Variants in ARPC1A observed in about 807,000 individuals in gnomAD.
ARPC1A encodes actin-related protein 2/3 complex subunit 1A.
ARPC1A carries 8 observed loss-of-function variants against 46.9 expected under a neutral mutation model. The observed-to-expected ratio is 0.17, with a 90% CI of 0.10 to 0.31. The LOEUF (loss-of-function observed/expected upper bound fraction) is 0.31, where lower values mean the gene tolerates loss of function less well. Ranked by LOEUF, ARPC1A falls within the 10% of genes least tolerant of loss-of-function variation. The pLI is 1.00. For missense variants in ARPC1A, 286 were observed against 483.6 expected (o/e 0.59, Z 3.83); for synonymous variants, 152 against 169.0 (o/e 0.90, Z 0.78).
intron 4 of ARPC1A, among the ~76,000 whole-genome samples, chr7:99,347,829 CAAAAAA>C (rs755158875): frequency 1.1e-5 from 1 of 90,592 alleles, no homozygotes; most frequent in Non-Finnish European, 2.4e-5. Flanking sequence ...AACTCCATCT[CAAAAAA>C]AAAAAAAAAA....
intron 9 of ARPC1A, among the ~76,000 whole-genome samples, chr7:99,364,473 C>T (rs1488225742): frequency 2.0e-5 from 3 of 150,860 alleles, no homozygotes; most frequent in Non-Finnish European, 1.5e-5. Flanking sequence ...GGTTTCTCCA[C>T]GTTGGACATG....
At chr7:99,365,418 C>T (rs1398826459) in intron 9 of ARPC1A, among the ~76,000 whole-genome samples, 7 of 151,958 alleles carry the variant, frequency 4.6e-5, no homozygotes, top group Admixed American at 4.6e-4. Flanking sequence ...CTGGGCAACA[C>T]AGTGAGATCC....
intron 1 of ARPC1A, among the ~76,000 whole-genome samples, chr7:99,332,327 T>C (rs1584374133): frequency 1.3e-5 from 2 of 152,330 alleles, no homozygotes; most frequent in Admixed American, 1.3e-4. Flanking sequence ...AGTGACGATG[T>C]GTACTTCATG....
intron 5 of ARPC1A, among the ~76,000 whole-genome samples, chr7:99,350,099 A>G (rs762345273): frequency 6.6e-6 from 1 of 152,226 alleles, no homozygotes; most frequent in Non-Finnish European, 1.5e-5. Flanking sequence ...GAACAAGTTC[A>G]TAAGTCACTG....
At position 99,338,258 on chromosome 7, in the gene ARPC1A, C is replaced by T; in HGVS notation, c.142C>T (p.Leu48Phe). The change falls in exon 3 of 10, where the codon CTC (leucine) becomes TTC (phenylalanine). Residue 48 changes from leucine to phenylalanine, a missense_variant. Physicochemically the swap from Leu to Phe is conservative, Grantham distance 22 (BLOSUM62 0). Around this residue, in one of 5 missense-constraint regions of ARPC1A, gnomAD observed 55 missense variants for 59.4 expected, o/e 0.93. Transcript: ENST00000262942. ...NGSQWVKAHE[L>F]KEHNGHITGI... ...GAGCCAGTGGGTGAAAGCTCATGAA[C>T]TCAAGGAGCACAACGGACACATCAC... is the stretch of plus-strand genomic sequence containing the variant. 1.2e-6 allele frequency: 2 copies of T among 1,611,562 alleles called. No homozygotes were observed. The highest frequency in any genetic ancestry group is 1.7e-6 in the Non-Finnish European group (2 of 1,178,322).
At chr7:99,347,035 A>G (rs1426636627) in intron 4 of ARPC1A, among the ~76,000 whole-genome samples, 1 of 152,084 alleles carries the variant, frequency 6.6e-6, no homozygotes, top group Admixed American at 6.6e-5. Flanking sequence ...CTCCTTTTTT[A>G]GAGACTTTGT....
At chr7:99,335,210 G>A (rs772882629) in intron 2 of ARPC1A, among the ~76,000 whole-genome samples, 4 of 152,106 alleles carry the variant, frequency 2.6e-5, no homozygotes, top group South Asian at 4.1e-4. Flanking sequence ...GACTGGCCTC[G>A]AACTCCTGGC....
intron 5 of ARPC1A, 60 bp from the exon 6 acceptor site, chr7:99,353,849 C>A: frequency 1.3e-6 from 2 of 1,518,414 alleles, no homozygotes; most frequent in South Asian, 2.3e-5. Flanking sequence ...TGCCTATGGC[C>A]TGTTTCTATA....
intron 8 of ARPC1A, among the ~76,000 whole-genome samples, chr7:99,361,078 T>C (rs1793732343): frequency 6.6e-6 from 1 of 152,104 alleles, no homozygotes; most frequent in African/African-American, 2.4e-5. Context: ...GTGGTATTGA[T>C]GGTGGGAGAA....
At chr7:99,347,786 G>A (rs941967443) in intron 4 of ARPC1A, among the ~76,000 whole-genome samples, 5 of 149,388 alleles carry the variant, frequency 3.3e-5, no homozygotes, top group East Asian at 2.0e-4. Flanking sequence ...CTGAGATCAC[G>A]CCATTGCACT....
At chr7:99,339,088 C>G (rs563887483) in intron 3 of ARPC1A, among the ~76,000 whole-genome samples, 30 of 152,184 alleles carry the variant, frequency 2.0e-4, no homozygotes, top group African/African-American at 7.2e-4. Context: ...TTTCCTGTAT[C>G]AGGAAACTTA....
At chr7:99,329,242 A>G (rs957856937) in intron 1 of ARPC1A, among the ~76,000 whole-genome samples, 4 of 151,548 alleles carry the variant, frequency 2.6e-5, no homozygotes, top group African/African-American at 4.8e-5. Context: ...CAGAGTTTGC[A>G]GTGAGCCGAG....
intron 2 of ARPC1A, among the ~76,000 whole-genome samples, chr7:99,334,222 T>C (rs2150859473): frequency 6.6e-6 from 1 of 151,168 alleles, no homozygotes; most frequent in East Asian, 1.9e-4. Context: ...ATTAACCAGG[T>C]GTGGTGGTAC....
intron 4 of ARPC1A, among the ~76,000 whole-genome samples, chr7:99,346,897 T>TGAACCAGGGAGGTAGAGGTTGCAATGA (rs1283710969): frequency 1.3e-5 from 2 of 152,084 alleles, no homozygotes; most frequent in African/African-American, 4.8e-5. Context: ...GAGAATCGCT[T>TGAACCAGGGAGGTAGAGGTTGCAATGA]GAACCAGGGA....
Position 99,354,033 on chromosome 7 carries a change from G to A in ARPC1A, c.625G>A (p.Gly209Arg), listed in dbSNP as rs768642928. The change falls in exon 6 of 10, where the codon GGG (glycine) becomes AGG (arginine). Residue 209 changes from glycine (G) to arginine (R), a missense_variant. Gly to Arg is a moderately radical substitution (Grantham distance 125, BLOSUM62 -2). Transcript: ENST00000262942. Reference sequence around the variant, plus strand: ...CAGTGGCACTGGTGGCTGGGTCCACGGGGTAAGCTTCTCTGCCAGTGGGAG... The same window carrying A: ...CAGTGGCACTGGTGGCTGGGTCCACAGGGTAAGCTTCTCTGCCAGTGGGAG... ...GGSGTGGWVHGVSFSASGSRL... is the reference protein window; with the variant it reads ...GGSGTGGWVHRVSFSASGSRL... 3.1e-6 allele frequency: 5 copies of A among 1,614,032 alleles called. No individual in the cohort carries two copies. The highest frequency in any genetic ancestry group is 2.2e-5 in the East Asian group (1 of 44,888).
At chr7:99,338,373 C>A in intron 3 of ARPC1A, 88 bp downstream of exon 3, 1 of 720,950 alleles carries the variant, frequency 1.4e-6, no homozygotes, top group Non-Finnish European at 2.0e-6. Flanking sequence ...ACCCAGGTGG[C>A]CATAATTTTT....
At chr7:99,334,039 G>GT (rs1410491004) in intron 2 of ARPC1A, among the ~76,000 whole-genome samples, 22 of 107,690 alleles carry the variant, frequency 2.0e-4, no homozygotes, top group African/African-American at 1.0e-3. Context: ...ACATATATAT[G>GT]TATTTTTTTT....
chr7:99,353,779 C>T, intron 5 of ARPC1A, 130 bp from the exon 6 acceptor site: 2 of 931,564 alleles, frequency 2.1e-6, no homozygotes, highest in Non-Finnish European at 3.2e-6. Context: ...GTGCCCAGCT[C>T]ATGTTTTATT....
intron 8 of ARPC1A, chr7:99,360,097 G>GCGTTCCCA (rs1793714292): frequency 3.0e-6 from 1 of 331,930 alleles, no homozygotes; most frequent in African/African-American, 2.1e-5. Flanking sequence ...CCTGAATGCT[G>GCGTTCCCA]CGTTCCCACA....
Sources: gnomAD v4.1 joint callset for allele counts (sites outside exome capture counted in the v4.1 genomes callset) on GRCh38, gnomAD v4.1.1 for gene constraint, gnomAD v4.1.1 regional missense constraint, MANE v1.5 for transcripts, NCBI Gene and HGNC (gene_info 2026-07-23, HGNC 2026-07-21) for gene names.